Variants in RERE observed in about 807,000 individuals in gnomAD.
RERE encodes arginine-glutamic acid dipeptide repeats, also known as arginine-glutamic acid dipeptide repeats protein.
In RERE, 40 loss-of-function variants were observed where a neutral mutation model predicts 146.1. The ratio of observed to expected loss-of-function variants is 0.27; its 90% CI spans 0.21 to 0.36. The LOEUF is 0.36. Ranked by LOEUF, RERE falls within the 10% of genes least tolerant of loss-of-function variation. RERE has a pLI of 1.00. For synonymous variants in RERE, 1,003 were observed against 866.0 expected (o/e 1.16, Z -2.78); for missense variants, 1,933 against 2,138.7 (o/e 0.90, Z 1.90).
intron 4 of RERE, among the ~76,000 whole-genome samples, chr1:8,568,220 A>G (rs1646175363): frequency 6.6e-6 from 1 of 152,202 alleles, no homozygotes. Flanking sequence ...TCAGAACTCT[A>G]GGTCCTCCAG....
chr1:8,365,549 G>C (rs776255056), intron 13 of RERE, among the ~76,000 whole-genome samples: 2 of 152,202 alleles, frequency 1.3e-5, no homozygotes, highest in Non-Finnish European at 2.9e-5. Context: ...TGTATTTTTT[G>C]TAAAAACCTA....
In RERE at chr1:8,641,860, C is replaced by T. The variant is rs964953128; in HGVS notation, c.325+14113G>A. On this transcript the variant is annotated intron_variant, in intron 2 of 22. Transcript: ENST00000400908. ...GATCACGTGAGGCCAGGAGCCATCCCCTTTTGGAGTTTTGATAATGGAGAC... is the reference window on the plus strand; with the variant it reads ...GATCACGTGAGGCCAGGAGCCATCCTCTTTTGGAGTTTTGATAATGGAGAC... 2.0e-5 allele frequency among the ~76,000 whole-genome samples: 3 copies of T among 152,246 alleles called. No homozygotes were observed. The East Asian group carries it at 5.8e-4, about 29-fold the overall frequency.
intron 11 of RERE, among the ~76,000 whole-genome samples, chr1:8,426,211 T>C (rs1167512318): frequency 6.6e-6 from 1 of 152,040 alleles, no homozygotes; most frequent in Non-Finnish European, 1.5e-5. Flanking sequence ...TCCTAGCACT[T>C]TGGGAGGCTG....
At chr1:8,483,788 C>CATAA (rs1310595354) in intron 10 of RERE, among the ~76,000 whole-genome samples, 1 of 152,128 alleles carries the variant, frequency 6.6e-6, no homozygotes, top group African/African-American at 2.4e-5. Flanking sequence ...TGTGGGTGTG[C>CATAA]ATAAATAAAT....
At chr1:8,667,186 A>G (rs530605266) in intron 1 of RERE, among the ~76,000 whole-genome samples, 2 of 152,356 alleles carry the variant, frequency 1.3e-5, no homozygotes, top group African/African-American at 4.8e-5. Context: ...AGACATACTA[A>G]TAACAAAACA....
At chr1:8,494,753 T>C (rs1645024587) in intron 10 of RERE, among the ~76,000 whole-genome samples, 1 of 152,004 alleles carries the variant, frequency 6.6e-6, no homozygotes, top group Non-Finnish European at 1.5e-5. Flanking sequence ...CTAGAGGTGG[T>C]TGTGAGGATT....
At chr1:8,795,417 C>T (rs1370403834) in intron 1 of RERE, among the ~76,000 whole-genome samples, 11 of 152,074 alleles carry the variant, frequency 7.2e-5, no homozygotes. Context: ...CCAGCCTCTG[C>T]CTTCCAAGTA....
intron 12 of RERE, among the ~76,000 whole-genome samples, chr1:8,410,148 TAAC>T (rs1643572323): frequency 6.6e-6 from 1 of 152,062 alleles, no homozygotes; most frequent in African/African-American, 2.4e-5. Flanking sequence ...GGCACTAAGT[TAAC>T]ACACATGCAT....
chr1:8,434,655 T>A (rs568628723), intron 11 of RERE: 1 of 152,324 alleles, frequency 6.6e-6, no homozygotes, highest in South Asian at 2.1e-4. Flanking sequence ...TGATACCAGG[T>A]GACTTCTAAG....
chr1:8,621,462 G>A lies in RERE; in HGVS notation c.396+2848C>T, dbSNP rs746792611. On this transcript the variant is annotated intron_variant, in intron 3 of 22. Transcript: ENST00000400908. ...ATTAGCTTTTGTTATCTTTAACATC[G>A]TAATCGTACCTACTAATGTGTATCA... Among the ~76,000 whole-genome samples, 8 of 152,048 alleles carry A rather than the reference G, an allele frequency of 5.3e-5. No individual in the cohort carries two copies. The East Asian group carries it at 1.2e-3, about 22-fold the overall frequency.
chr1:8,805,279 G>A (rs781049221), intron 1 of RERE, among the ~76,000 whole-genome samples: 120 of 152,110 alleles, frequency 7.9e-4, no homozygotes, highest in Non-Finnish European at 1.5e-4. Flanking sequence ...TTAGGAATCC[G>A]AGGTGGGCGG....
chr1:8,656,423 C>T lies in RERE; in HGVS notation c.-126G>A. 4.7e-6 allele frequency: 6 copies of T among 1,283,762 alleles called. No homozygotes were observed. The highest frequency in any genetic ancestry group is 6.4e-6 in the Non-Finnish European group (6 of 935,236). 79.5% of individuals were successfully genotyped at this position (1,283,762 alleles called of 1,614,324 possible). A position where few individuals can be genotyped will look rare whatever the true frequency, so the allele number is the denominator to read the frequency against. ...AGGGAAAATCCAACCACTCCAACAA[C>T]CCCAACGTTTCAAAAATGCTAGGAG... On this transcript the variant is annotated 5_prime_UTR_variant, in exon 2 of 23. Coordinates refer to ENST00000400908, the MANE Select transcript of RERE (RefSeq NM_001042681.2).
At chr1:8,529,284 C>CTTTTTTTTT (rs1185715350) in intron 7 of RERE, among the ~76,000 whole-genome samples, 2 of 84,534 alleles carry the variant, frequency 2.4e-5, no homozygotes, top group African/African-American at 9.3e-5. Flanking sequence ...TCAGTTCTCC[C>CTTTTTTTTT]TTCTTTTTTT....
chr1:8,617,954 AGACTTCTTT>A (rs1646873984), intron 3 of RERE, among the ~76,000 whole-genome samples: 2 of 152,102 alleles, frequency 1.3e-5, no homozygotes, highest in Non-Finnish European at 2.9e-5. Context: ...GTAATTGAGT[AGACTTCTTT>A]GGCTTGTTTA....
intron 11 of RERE, among the ~76,000 whole-genome samples, chr1:8,443,059 T>C (rs1644270951): frequency 6.6e-6 from 1 of 152,234 alleles, no homozygotes; most frequent in Admixed American, 6.5e-5. Flanking sequence ...TTCTACTAGC[T>C]TAACTCAAAT....
intron 2 of RERE, among the ~76,000 whole-genome samples, chr1:8,634,226 G>A (rs1185513551): frequency 1.3e-5 from 2 of 152,068 alleles, no homozygotes; most frequent in South Asian, 4.1e-4. Context: ...TCAACCTTCA[G>A]GACCCAAATG....
At chr1:8,446,840 A>AT (rs564326167) in intron 11 of RERE, among the ~76,000 whole-genome samples, 8,653 of 144,526 alleles carry the variant, frequency 0.06, 801 homozygotes, top group African/African-American at 0.2. Flanking sequence ...CACCGGGCTA[A>AT]TTTTTTTTTT....
intron 1 of RERE, among the ~76,000 whole-genome samples, chr1:8,802,474 T>G (rs1641607483): frequency 6.6e-6 from 1 of 152,218 alleles, no homozygotes; most frequent in South Asian, 2.1e-4. Context: ...GCTCTGTGCC[T>G]TTGCTTCATG....
At chr1:8,683,131 CAT>C (rs755657751) in intron 1 of RERE, among the ~76,000 whole-genome samples, 16 of 150,878 alleles carry the variant, frequency 1.1e-4, no homozygotes, top group Non-Finnish European at 2.4e-4. Context: ...ACAAATTATC[CAT>C]ATTTTAGATG....
Sources: gnomAD v4.1 joint callset for allele counts (sites outside exome capture counted in the v4.1 genomes callset) on GRCh38, gnomAD v4.1.1 for gene constraint, MANE v1.5 for transcripts, NCBI Gene and HGNC (gene_info 2026-07-23, HGNC 2026-07-21) for gene names.